LPP: variants seen among roughly 807,000 people sequenced by gnomAD.
LPP encodes the protein LIM domain containing preferred translocation partner in lipoma.
In LPP, 38 loss-of-function variants were observed where a neutral mutation model predicts 60.4. The observed-to-expected ratio is 0.63, with a 90% confidence interval of 0.49 to 0.83. LPP has a LOEUF of 0.83. LPP is among the 40% of genes least tolerant of loss of function. LPP has a pLI of 0.00. For missense variants in LPP, 902 were observed against 783.6 expected, an observed-to-expected ratio of 1.15 and a Z score of -1.80; for synonymous variants, 328 against 290.8, an observed-to-expected ratio of 1.13 and a Z score of -1.30.
At chr3:188,363,655 C>T (rs185298980) in intron 3 of LPP, among the ~76,000 whole-genome samples, 17 of 152,204 alleles carry the variant, frequency 1.1e-4, no homozygotes, top group Admixed American at 1.0e-3. Context: ...GCCTGTAATC[C>T]CAGCACTTTG....
rs555424927 is a variant in LPP, at chr3:188,382,005, C to G, written c.-9-24107C>G. On this transcript the variant is annotated intron_variant, in intron 3 of 11. Transcript: ENST00000617246. ...GTCTTGCTATGTTGCTCAGGCTGGT[C>G]TCCAATTCCTGAGCTCAAGTGATCC... Among the ~76,000 whole-genome samples, 4 of 151,326 alleles carry G rather than the reference C, an allele frequency of 2.6e-5. No individual in the cohort carries two copies. In the South Asian group the frequency reaches 8.3e-4, roughly 32 times the overall value.
intron 8 of LPP, among the ~76,000 whole-genome samples, chr3:188,753,726 C>G (rs1728963478): frequency 1.3e-5 from 2 of 151,926 alleles, no homozygotes; most frequent in African/African-American, 2.4e-5. Context: ...TACCACTCAT[C>G]CTAGTGGCAG....
intron 4 of LPP, among the ~76,000 whole-genome samples, chr3:188,419,575 C>T (rs11927915): frequency 6.6e-6 from 1 of 152,166 alleles, no homozygotes; most frequent in South Asian, 2.1e-4. Flanking sequence ...AAGTGGCAAC[C>T]TAAGTTCTTT....
chr3:188,331,083 C>G (rs1189154038), intron 2 of LPP, among the ~76,000 whole-genome samples: 1 of 151,986 alleles, frequency 6.6e-6, no homozygotes, highest in Non-Finnish European at 1.5e-5. Flanking sequence ...CTGATTGACC[C>G]CTTCAAAATG....
intron 9 of LPP, among the ~76,000 whole-genome samples, chr3:188,783,869 C>CTCAGTAAAGTGTGATCAT (rs56671912): frequency 0.031 from 4,632 of 151,818 alleles, 97 homozygotes; most frequent in Non-Finnish European, 0.048. Context: ...AACTTGATAT[C>CTCAGTAAAGTGTGATCAT]TCATTCTTAC....
chr3:188,795,163 A>C (rs113685532), intron 9 of LPP, among the ~76,000 whole-genome samples: 9 of 152,152 alleles, frequency 5.9e-5, no homozygotes, highest in African/African-American at 2.2e-4. Flanking sequence ...AAACAAAAGA[A>C]GTAAATTTGA....
At chr3:188,673,820 A>C (rs1337753218) in intron 7 of LPP, among the ~76,000 whole-genome samples, 1 of 152,086 alleles carries the variant, frequency 6.6e-6, no homozygotes, top group East Asian at 1.9e-4. Context: ...GAATATGAGC[A>C]GTACCAATAC....
intron 7 of LPP, among the ~76,000 whole-genome samples, chr3:188,689,969 T>G (rs9815622): frequency 0.26 from 39,451 of 151,990 alleles, 5,925 homozygotes; most frequent in Middle Eastern, 0.46. Flanking sequence ...AATGGGATTT[T>G]TAAGTTGAAT....
At chr3:188,483,065 C>T (rs1439594916) in intron 4 of LPP, among the ~76,000 whole-genome samples, 1 of 152,144 alleles carries the variant, frequency 6.6e-6, no homozygotes, top group African/African-American at 2.4e-5. Context: ...TTGTATGATT[C>T]GGTGGCAGTG....
At chr3:188,443,487 C>T (rs1298485678) in intron 4 of LPP, among the ~76,000 whole-genome samples, 2 of 152,184 alleles carry the variant, frequency 1.3e-5, no homozygotes, top group East Asian at 1.9e-4. Flanking sequence ...GCATTTATTT[C>T]TCCTTCAAAT....
intron 6 of LPP, 110 bp downstream of exon 6, chr3:188,524,897 G>T (rs556566242): frequency 8.8e-5 from 21 of 237,852 alleles, no homozygotes; most frequent in African/African-American, 1.8e-4. Flanking sequence ...CCTTCCGTCC[G>T]TCCTTCCTTC....
intron 6 of LPP, among the ~76,000 whole-genome samples, chr3:188,558,063 C>T (rs1417400006): frequency 1.3e-5 from 2 of 152,080 alleles, no homozygotes; most frequent in East Asian, 3.9e-4. Context: ...GGCACTCCGA[C>T]AAAATAGTAT....
At chr3:188,353,196 T>A in intron 3 of LPP, among the ~76,000 whole-genome samples, 1 of 152,182 alleles carries the variant, frequency 6.6e-6, no homozygotes, top group East Asian at 1.9e-4. Flanking sequence ...GGAGCAGAAA[T>A]TGTGACTTAA....
In LPP at chr3:188,283,990, A is replaced by C. The variant is rs117882073; in HGVS notation, c.-66-57673A>C. Among the ~76,000 whole-genome samples, 423 of 152,138 alleles carry C rather than the reference A, an allele frequency of 2.8e-3. 9 individuals carry two copies. In the East Asian group the frequency reaches 0.059, roughly 21 times the overall value. ...AGACTCCATCTCAAAAAAAATAATA[A>C]AAATAAATTAATAAAACAAAAAGAG... On this transcript the variant is annotated intron_variant, in intron 2 of 11. Coordinates refer to ENST00000617246, the MANE Select transcript of LPP (RefSeq NM_001375462.1).
intron 2 of LPP, among the ~76,000 whole-genome samples, chr3:188,302,613 G>A (rs1025625341): frequency 6.6e-6 from 1 of 152,148 alleles, no homozygotes; most frequent in Non-Finnish European, 1.5e-5. Flanking sequence ...GTCTCATTAG[G>A]CAGCTTGATC....
chr3:188,579,651 CTT>C (rs10582877), intron 6 of LPP, among the ~76,000 whole-genome samples: 5,924 of 144,340 alleles, frequency 0.041, 173 homozygotes, highest in African/African-American at 0.083. Flanking sequence ...CTAAATCTCG[CTT>C]TTTTTTTTTT....
At chr3:188,580,378 C>T (rs1515426) in intron 6 of LPP, among the ~76,000 whole-genome samples, 59,222 of 151,976 alleles carry the variant, frequency 0.39, 13,686 homozygotes, top group Non-Finnish European at 0.53. Flanking sequence ...CTGGTCTCTT[C>T]CTGATTTTGA....
intron 3 of LPP, among the ~76,000 whole-genome samples, chr3:188,389,055 T>A (rs1258131590): frequency 6.6e-6 from 1 of 152,200 alleles, no homozygotes; most frequent in Non-Finnish European, 1.5e-5. Flanking sequence ...GCAAACTGTT[T>A]GAAAAAGCAT....
At position 188,352,782 on chromosome 3, in the gene LPP, C is replaced by T. The variant is rs2103025; in HGVS notation, c.-10+11063C>T. On this transcript the variant is annotated intron_variant, in intron 3 of 11. Transcript: ENST00000617246. The surrounding 1 kb of genome is among the most constrained non-coding windows in gnomAD (Gnocchi z 4.4). Reference sequence around the variant, plus strand: ...CAGAGGGATGGGCTGGTGACACTGCCGTGCCTAGGAGTGGGCAGAGAAGGT... The same window carrying T: ...CAGAGGGATGGGCTGGTGACACTGCTGTGCCTAGGAGTGGGCAGAGAAGGT... Among the ~76,000 whole-genome samples the T allele has an allele frequency of 0.2, 30,511 of 151,952 alleles. 3,671 individuals are homozygous for T. Among genetic ancestry groups the T allele is most frequent in the East Asian group, 0.37 (1,898 of 5,158 alleles).
Sources: gnomAD v4.1 joint callset for allele counts (sites outside exome capture counted in the v4.1 genomes callset) on GRCh38, gnomAD v4.1.1 for gene constraint, Gnocchi (gnomAD v3.1) non-coding constraint, MANE v1.5 for transcripts, NCBI Gene and HGNC (gene_info 2026-07-23, HGNC 2026-07-21) for gene names.